Variants in RANBP2 observed in about 807,000 individuals in gnomAD.
RANBP2 encodes RAN binding protein 2.
A neutral mutation model predicts 303.6 loss-of-function variants in RANBP2; 57 were observed. The observed-to-expected ratio is 0.19, with a 90% confidence interval of 0.15 to 0.23. The LOEUF (loss-of-function observed/expected upper bound fraction) is 0.23, where lower values mean the gene tolerates loss of function less well. RANBP2 is among the 10% of genes least tolerant of loss of function. The probability of loss-of-function intolerance (pLI) is 1.00; values close to 1 mark genes in which losing one functional copy is unlikely to be tolerated. For synonymous variants in RANBP2, 1,167 were observed against 1,301.5 expected (o/e 0.90, Z 2.23); for missense variants, 3,138 against 3,780.8 (o/e 0.83, Z 4.46).
chr2:108,910,532 T>C, the RANBP2 span: 1 of 1,613,102 alleles, frequency 6.2e-7, no homozygotes, highest in Non-Finnish European at 8.5e-7. Context: ...CACCACGTTG[T>C]CTGCAGGGAA....
At chr2:109,230,449 G>T in the RANBP2 span, among the ~76,000 whole-genome samples, 1 of 152,120 alleles carries the variant, frequency 6.6e-6, no homozygotes, top group Non-Finnish European at 1.5e-5. Flanking sequence ...GCATGATGGT[G>T]CATGCCTGTT....
At chr2:109,249,519 T>TTTC in the RANBP2 span, among the ~76,000 whole-genome samples, 1 of 61,900 alleles carries the variant, frequency 1.6e-5, no homozygotes. Flanking sequence ...CATTCTTTCT[T>TTTC]TTTCTTTCTT....
the RANBP2 span, among the ~76,000 whole-genome samples, chr2:109,173,425 G>A: frequency 2.6e-5 from 4 of 152,112 alleles, no homozygotes; most frequent in African/African-American, 4.8e-5. Context: ...GGAAGAATTC[G>A]GATAAATGAC....
chr2:109,230,103 T>C, the RANBP2 span, among the ~76,000 whole-genome samples: 2 of 152,030 alleles, frequency 1.3e-5, no homozygotes, highest in Non-Finnish European at 2.9e-5. Flanking sequence ...GGATTACAGG[T>C]GCGAGCCACC....
chr2:109,458,601 A>AGAGAGAGAGAGAGAGAG, the RANBP2 span, among the ~76,000 whole-genome samples: 70 of 148,924 alleles, frequency 4.7e-4, no homozygotes, highest in Admixed American at 8.7e-4. Flanking sequence ...AGAGAGAGAG[A>AGAGAGAGAGAGAGAGAG]ATTTATTTAT....
chr2:109,305,915 GGCTGCTCCTCCA>G, the RANBP2 span, among the ~76,000 whole-genome samples: 1,035 of 152,244 alleles, frequency 6.8e-3, 11 homozygotes, highest in African/African-American at 0.023. Flanking sequence ...CTGCCCTTTG[GGCTGCTCCTCCA>G]GCTGCTCCTC....
the RANBP2 span, chr2:109,585,065 C>G: frequency 9.4e-6 from 9 of 953,580 alleles, no homozygotes; most frequent in Admixed American, 1.0e-4. Context: ...GTTCATGGGG[C>G]TATAAGGCGA....
At chr2:108,898,701 T>A in the RANBP2 span, among the ~76,000 whole-genome samples, 1 of 152,132 alleles carries the variant, frequency 6.6e-6, no homozygotes, top group East Asian at 1.9e-4. Flanking sequence ...TGAACATGCT[T>A]AAATGCAAAA....
chr2:109,071,803 C>T, the RANBP2 span, among the ~76,000 whole-genome samples: 4 of 151,864 alleles, frequency 2.6e-5, no homozygotes, highest in Non-Finnish European at 4.4e-5. Context: ...TTCAGAGCCA[C>T]AATAATAGAT....
the RANBP2 span, among the ~76,000 whole-genome samples, chr2:109,210,570 T>C: frequency 1.3e-5 from 2 of 152,166 alleles, no homozygotes; most frequent in African/African-American, 2.4e-5. Flanking sequence ...GCAAATGGCC[T>C]AAGCAGGTGG....
chr2:108,875,025 A>G, the RANBP2 span, among the ~76,000 whole-genome samples: 1 of 151,680 alleles, frequency 6.6e-6, no homozygotes, highest in African/African-American at 2.4e-5. Flanking sequence ...TTAGACTTAG[A>G]TAAAAAAACA....
At chr2:109,269,131 G>A in the RANBP2 span, among the ~76,000 whole-genome samples, 2 of 152,224 alleles carry the variant, frequency 1.3e-5, no homozygotes, top group Non-Finnish European at 2.9e-5. Context: ...GAGTGGCATT[G>A]GAAGCGTGGG....
At chr2:109,067,580 C>T in the RANBP2 span, among the ~76,000 whole-genome samples, 1 of 152,188 alleles carries the variant, frequency 6.6e-6, no homozygotes, top group Non-Finnish European at 1.5e-5. Context: ...GTGACTGTGT[C>T]TGTCTCTCCT....
chr2:108,970,808 A>T, the RANBP2 span, among the ~76,000 whole-genome samples: 1 of 152,346 alleles, frequency 6.6e-6, no homozygotes, highest in African/African-American at 2.4e-5. Context: ...ATACACTTTA[A>T]TTTGTTTGTG....
At chr2:108,958,074 G>C in the RANBP2 span, among the ~76,000 whole-genome samples, 1 of 152,088 alleles carries the variant, frequency 6.6e-6, no homozygotes, top group South Asian at 2.1e-4. Context: ...CCATGCCCGT[G>C]AGCCTCACCC....
At chr2:109,422,236 GA>G in the RANBP2 span, among the ~76,000 whole-genome samples, 1 of 152,228 alleles carries the variant, frequency 6.6e-6, no homozygotes, top group South Asian at 2.1e-4. Flanking sequence ...GGTCTGCAGA[GA>G]ATGATGGCTT....
downstream of RANBP2, chr2:108,786,836 T>A: frequency 5.0e-6 from 8 of 1,590,924 alleles, no homozygotes; most frequent in Non-Finnish European, 6.8e-6. Flanking sequence ...GAGCCGAGGG[T>A]CGTCAAGCCA....
At chr2:109,190,757 C>T in the RANBP2 span, among the ~76,000 whole-genome samples, 48 of 152,234 alleles carry the variant, frequency 3.2e-4, no homozygotes, top group Admixed American at 8.5e-4. Flanking sequence ...ACATGACTCA[C>T]ACCCATAGAA....
At chr2:109,449,984 G>A in the RANBP2 span, among the ~76,000 whole-genome samples, 33 of 152,290 alleles carry the variant, frequency 2.2e-4, no homozygotes, top group East Asian at 6.4e-3. Flanking sequence ...GAAGGAACAG[G>A]AGAATGCTGA....
Sources: gnomAD v4.1 joint callset for allele counts (sites outside exome capture counted in the v4.1 genomes callset) on GRCh38, gnomAD v4.1.1 for gene constraint, MANE v1.5 for transcripts, NCBI Gene and HGNC (gene_info 2026-07-23, HGNC 2026-07-21) for gene names.